Variants in KCNAB2 observed in about 807,000 individuals in gnomAD.
KCNAB2 encodes voltage-gated potassium channel subunit beta-2.
A neutral mutation model predicts 63.6 loss-of-function variants in KCNAB2; 29 were observed. The ratio of observed to expected loss-of-function variants is 0.46; its 90% CI spans 0.34 to 0.62. KCNAB2 has a LOEUF of 0.62. KCNAB2 is among the 20% of genes least tolerant of loss of function. The probability of loss-of-function intolerance (pLI) is 0.01; values close to 1 mark genes in which losing one functional copy is unlikely to be tolerated. For synonymous variants in KCNAB2, 222 were observed against 224.2 expected (o/e 0.99, Z 0.09); for missense variants, 359 against 563.9 (o/e 0.64, Z 3.68).
intron 1 of KCNAB2, among the ~76,000 whole-genome samples, chr1:6,016,197 G>A (rs1414238306): frequency 2.6e-5 from 4 of 152,144 alleles, no homozygotes; most frequent in Non-Finnish European, 4.4e-5. Flanking sequence ...CTTTCAGAGC[G>A]AAGGAGGCTT....
chr1:6,020,492 C>G (rs137859497), intron 1 of KCNAB2, among the ~76,000 whole-genome samples: 3 of 152,020 alleles, frequency 2.0e-5, no homozygotes, highest in African/African-American at 7.2e-5. Flanking sequence ...AAGAACACAC[C>G]AGGATCGCGT....
chr1:6,016,950 C>T (rs1000201250), intron 1 of KCNAB2, among the ~76,000 whole-genome samples: 2 of 152,142 alleles, frequency 1.3e-5, no homozygotes, highest in Non-Finnish European at 2.9e-5. Flanking sequence ...TATGGTCTCA[C>T]AAGAGGAAAA....
At chr1:6,032,499 C>T (rs972339035), upstream of KCNAB2, among the ~76,000 whole-genome samples, 3 of 151,582 alleles carry the variant, frequency 2.0e-5, no homozygotes, top group Admixed American at 1.3e-4. Context: ...ATCACTTGAA[C>T]CCAGGAGGCA....
intron 11 of KCNAB2, 42 bp from the exon 12 acceptor site, chr1:6,095,281 C>A (rs1360095211): frequency 6.4e-7 from 1 of 1,573,844 alleles, no homozygotes; most frequent in Non-Finnish European, 8.6e-7. Context: ...CTCCCGCCTG[C>A]TCACAGGCAA....
At chr1:6,072,982 G>T (rs1418656835) in intron 3 of KCNAB2, among the ~76,000 whole-genome samples, 184 bp downstream of exon 3, 1 of 152,028 alleles carries the variant, frequency 6.6e-6, no homozygotes, top group Non-Finnish European at 1.5e-5. Flanking sequence ...GAGGCAGGTG[G>T]GAGGGGGGCT....
At chr1:6,097,698 A>C in intron 15 of KCNAB2, 1 of 555,882 alleles carries the variant, frequency 1.8e-6, no homozygotes, top group Non-Finnish European at 3.2e-6. Context: ...GTGGTGCTTG[A>C]GCAGTCTTGA....
In KCNAB2 at chr1:6,064,462, C is replaced by T. The variant is rs970435099; in HGVS notation, c.219-8293C>T. ...GTTAGATAGTCTGAGCAAATTCCAT[C>T]TTGGCCCTGGCTTTGCACATTTAGG... On this transcript the variant is annotated intron_variant, in intron 2 of 15. Coordinates refer to ENST00000378083, the MANE Select transcript of KCNAB2 (RefSeq NM_001199862.2). 3.3e-5 allele frequency among the ~76,000 whole-genome samples: 5 copies of T among 152,336 alleles called. No homozygotes were observed. In the East Asian group the frequency reaches 9.6e-4, roughly 29 times the overall value.
At chr1:6,095,872 C>CT (rs1310214780) in intron 13 of KCNAB2, among the ~76,000 whole-genome samples, 1 of 138,334 alleles carries the variant, frequency 7.2e-6, no homozygotes, top group East Asian at 2.8e-4. Flanking sequence ...CATCCCCCCC[C>CT]CTGCCCCCAC....
rs1489283774 is a variant in KCNAB2 at position 6,005,916 on chromosome 1, C to A, written c.-53+13128C>A. Among the ~76,000 whole-genome samples the A allele has an allele frequency of 7.3e-5, 10 of 136,864 alleles. No individual in the cohort carries two copies. In the South Asian group the frequency reaches 1.2e-3, roughly 16 times the overall value. The allele number at this position is 136,864 out of a possible 152,430, so 89.8% of individuals were successfully genotyped here. A position where few individuals can be genotyped will look rare whatever the true frequency, so the allele number is the denominator to read the frequency against. The stretch of plus-strand genomic sequence containing the variant: ...CCACCCTCACCCCTCAGCTCAGCTC[C>A]CACATCCCCCCACTCCACCCTCACC... On this transcript the variant is annotated intron_variant, in intron 1 of 16. Coordinates refer to the KCNAB2 transcript ENST00000341524.
At chr1:6,041,437 A>AGCAC (rs1192010839), upstream of KCNAB2, 3 of 217,922 alleles carry the variant, frequency 1.4e-5, no homozygotes, top group Admixed American at 1.1e-4. Context: ...CGGGTTTGCC[A>AGCAC]GCACGCGGGT....
intron 11 of KCNAB2, 80 bp downstream of exon 11, chr1:6,094,565 C>A: frequency 8.2e-7 from 1 of 1,221,048 alleles, no homozygotes; most frequent in Non-Finnish European, 1.2e-6. Flanking sequence ...AAAGCTCTGG[C>A]GGGGTCTGTG....
intron 15 of KCNAB2, chr1:6,098,106 C>T (rs1456579224): frequency 1.4e-5 from 14 of 993,772 alleles, no homozygotes; most frequent in Middle Eastern, 5.0e-4. Flanking sequence ...AGTCGGTCCC[C>T]GGGTGTGTCA....
intron 1 of KCNAB2, among the ~76,000 whole-genome samples, chr1:6,000,607 G>A (rs1161182683): frequency 6.6e-6 from 1 of 151,310 alleles, no homozygotes; most frequent in Non-Finnish European, 1.5e-5. Context: ...CGCTCTGCTG[G>A]TGTGAGTGAC....
chr1:6,027,264 GT>G (rs1659261239), intron 1 of KCNAB2: 1 of 128,286 alleles, frequency 7.8e-6, no homozygotes. Context: ...GTGTGTGTGT[GT>G]GTGTGTGTGG....
chr1:6,002,548 C>T (rs914057581), intron 1 of KCNAB2, among the ~76,000 whole-genome samples: 1 of 152,240 alleles, frequency 6.6e-6, no homozygotes, highest in South Asian at 2.1e-4. Context: ...GCCCCTGAAC[C>T]GTACGTGATG....
upstream of KCNAB2, among the ~76,000 whole-genome samples, chr1:6,031,284 C>T (rs946645397): frequency 1.6e-4 from 24 of 152,162 alleles, no homozygotes; most frequent in South Asian, 2.1e-4. The surrounding 1 kb of genome is among the most constrained non-coding windows in gnomAD (Gnocchi z 4.1). Context: ...CAGGTGGCTC[C>T]GACAGGGTAC....
At chr1:6,015,249 C>T (rs946837795) in intron 1 of KCNAB2, among the ~76,000 whole-genome samples, 1 of 152,096 alleles carries the variant, frequency 6.6e-6, no homozygotes, top group South Asian at 2.1e-4. Context: ...AGGCTGATTT[C>T]GAACTCTTGA....
chr1:6,040,742 G>A (rs1461283250), intron 2 of KCNAB2: 2 of 751,024 alleles, frequency 2.7e-6, no homozygotes, highest in Admixed American at 2.4e-5. Context: ...GGAGGTGGAA[G>A]GGCCCAAGCA....
rs1454004441 is a variant in KCNAB2, at chr1:6,051,642, C to A, written c.106C>A (p.Arg36=). The A allele has an allele frequency of 2.6e-6, 4 of 1,534,248 alleles. No individual in the cohort carries two copies. Among genetic ancestry groups the A allele is most frequent in the Admixed American group, 3.9e-5 (2 of 50,968 alleles). ...VRQTDTLELQ[R]LREVRAAAQA... is the part of the protein sequence containing the mutation. ...CCAGACGGACACGCTGGAACTGCAG[C>A]GGCTGCGGGAGGTGCGGGCGGCTGC... The change falls in exon 2 of 16, where the codon CGG becomes AGG. Residue 36 remains arginine, a synonymous_variant. Coordinates refer to ENST00000378083, the MANE Select transcript of KCNAB2 (RefSeq NM_001199862.2).
Sources: allele counts gnomAD v4.1 joint callset (sites outside exome capture counted in the v4.1 genomes callset), GRCh38; gene constraint gnomAD v4.1.1; non-coding constraint Gnocchi (gnomAD v3.1); transcripts MANE v1.5; gene names NCBI Gene and HGNC (gene_info 2026-07-23, HGNC 2026-07-21).